LRP1B: variants seen among roughly 807,000 people sequenced by gnomAD.
LRP1B encodes the protein LDL receptor related protein 1B, also known as low-density lipoprotein receptor-related protein 1B.
Under a neutral mutation model 556.6 loss-of-function variants are expected in LRP1B, and 217 were observed. The observed-to-expected ratio is 0.39, with a 90% CI of 0.35 to 0.44. The LOEUF is 0.44. Among genes scored for constraint, LRP1B ranks in the 20% least tolerant of loss-of-function variants. The pLI, the probability that LRP1B is intolerant of heterozygous loss-of-function variation, is 1.00. For synonymous variants in LRP1B, 2,047 were observed against 1,865.8 expected (o/e 1.10, Z -2.50); for missense variants, 5,053 against 5,620.8 (o/e 0.90, Z 3.23).
At chr2:140,952,814 T>C (rs1695758371) in intron 18 of LRP1B, among the ~76,000 whole-genome samples, 1 of 152,182 alleles carries the variant, frequency 6.6e-6, no homozygotes, top group Non-Finnish European at 1.5e-5. Context: ...CCAAGGAATT[T>C]AGAATTGCTT....
chr2:141,608,576 A>C (rs1294467568), intron 2 of LRP1B, among the ~76,000 whole-genome samples: 2 of 152,206 alleles, frequency 1.3e-5, no homozygotes, highest in Non-Finnish European at 2.9e-5. Flanking sequence ...CACAAAGGCC[A>C]AATGTGGGCA....
chr2:141,107,871 TTC>T (rs1700646242), intron 7 of LRP1B, among the ~76,000 whole-genome samples: 1 of 152,156 alleles, frequency 6.6e-6, no homozygotes, highest in Admixed American at 6.6e-5. Context: ...ACACTATTAT[TTC>T]TCAACGTGTA....
At chr2:142,124,890 CT>C (rs34470563) in intron 1 of LRP1B, among the ~76,000 whole-genome samples, 24,302 of 146,550 alleles carry the variant, frequency 0.17, 2,211 homozygotes, top group African/African-American at 0.25. Flanking sequence ...ACCAGTCTTA[CT>C]TTTTTTTTTT....
intron 25 of LRP1B, among the ~76,000 whole-genome samples, chr2:140,869,765 G>T (rs1693067486): frequency 6.6e-6 from 1 of 151,988 alleles, no homozygotes; most frequent in South Asian, 2.1e-4. Context: ...TCAGATTGAG[G>T]GAAGGATATT....
At chr2:140,578,171 A>T (rs950905402) in intron 43 of LRP1B, among the ~76,000 whole-genome samples, 1 of 152,210 alleles carries the variant, frequency 6.6e-6, no homozygotes, top group Non-Finnish European at 1.5e-5. Context: ...AATTTTATAG[A>T]GAAAAGCACC....
rs560541961 is a variant in LRP1B, at chr2:140,620,309, G to T, written c.6800-18670C>A. 2.0e-5 allele frequency among the ~76,000 whole-genome samples: 3 copies of T among 152,310 alleles called. No individual in the cohort carries two copies. The South Asian group carries it at 6.2e-4, about 32-fold the overall frequency. On this transcript the variant is annotated intron_variant, in intron 41 of 90. Coordinates refer to ENST00000389484, the MANE Select transcript of LRP1B (RefSeq NM_018557.3). ...ATGAACATGGAATGGAGGCTGTAAAGTTCAATGAGATTAAGTTGAAATTTG... is the reference window on the plus strand; with the variant it reads ...ATGAACATGGAATGGAGGCTGTAAATTTCAATGAGATTAAGTTGAAATTTG...
At chr2:141,329,643 C>CAAAA (rs71391650) in intron 3 of LRP1B, among the ~76,000 whole-genome samples, 3 of 28,956 alleles carry the variant, frequency 1.0e-4, no homozygotes, top group Non-Finnish European at 2.0e-4. Flanking sequence ...GACTCTGTCT[C>CAAAA]AAAAAAAAAA....
intron 77 of LRP1B, among the ~76,000 whole-genome samples, chr2:140,348,243 T>C (rs1239085405): frequency 2.0e-5 from 3 of 152,064 alleles, no homozygotes; most frequent in African/African-American, 7.2e-5. Context: ...GTGGTAATAA[T>C]AGATTTAGTC....
intron 3 of LRP1B, among the ~76,000 whole-genome samples, chr2:141,310,686 T>C (rs1451449461): frequency 1.3e-5 from 2 of 152,152 alleles, no homozygotes; most frequent in East Asian, 3.9e-4. Context: ...AATAGGCTTT[T>C]AAATTTCATG....
At chr2:140,863,282 T>G (rs1163128125) in intron 27 of LRP1B, among the ~76,000 whole-genome samples, 1 of 152,194 alleles carries the variant, frequency 6.6e-6, no homozygotes, top group Non-Finnish European at 1.5e-5. Flanking sequence ...AAATCTGTTC[T>G]TTTTACTCCT....
At chr2:141,864,575 A>C (rs1191214219) in intron 1 of LRP1B, among the ~76,000 whole-genome samples, 1 of 151,964 alleles carries the variant, frequency 6.6e-6, no homozygotes, top group Non-Finnish European at 1.5e-5. Context: ...AAAAAAAAAA[A>C]AAAACTTATG....
intron 2 of LRP1B, among the ~76,000 whole-genome samples, chr2:141,685,919 T>C (rs1691279183): frequency 6.6e-6 from 1 of 152,078 alleles, no homozygotes; most frequent in Non-Finnish European, 1.5e-5. Flanking sequence ...AAGTTTCCAG[T>C]TGGAACAGCA....
At chr2:141,115,535 C>A (rs187597604) in intron 7 of LRP1B, among the ~76,000 whole-genome samples, 1 of 139,398 alleles carries the variant, frequency 7.2e-6, no homozygotes, top group East Asian at 2.1e-4. Flanking sequence ...TGGCTCATTG[C>A]AAGCTCCGCC....
At chr2:140,303,828 G>A (rs1683948282) in intron 83 of LRP1B, among the ~76,000 whole-genome samples, 2 of 150,952 alleles carry the variant, frequency 1.3e-5, no homozygotes. Context: ...CCCAATGACA[G>A]GCCCCAGTGT....
At chr2:141,253,780 A>T (rs919156948) in intron 4 of LRP1B, among the ~76,000 whole-genome samples, 1 of 152,054 alleles carries the variant, frequency 6.6e-6, no homozygotes, top group African/African-American at 2.4e-5. Flanking sequence ...ACACACACAC[A>T]CACTCACACA....
At chr2:140,561,867 T>C (rs991169410) in intron 43 of LRP1B, among the ~76,000 whole-genome samples, 2 of 152,048 alleles carry the variant, frequency 1.3e-5, no homozygotes, top group Non-Finnish European at 2.9e-5. Flanking sequence ...AATTCAAATT[T>C]AACACTATAT....
intron 1 of LRP1B, among the ~76,000 whole-genome samples, chr2:141,941,035 A>G (rs1049558240): frequency 3.9e-5 from 6 of 152,214 alleles, no homozygotes; most frequent in Non-Finnish European, 7.3e-5. Flanking sequence ...CAGTTTTTAC[A>G]TGACTGATTT....
At chr2:141,504,675 A>T (rs1683856154) in intron 2 of LRP1B, among the ~76,000 whole-genome samples, 1 of 152,116 alleles carries the variant, frequency 6.6e-6, no homozygotes, top group African/African-American at 2.4e-5. Context: ...CAAAGGATCA[A>T]GAACACTCTG....
intron 66 of LRP1B, among the ~76,000 whole-genome samples, chr2:140,398,796 C>G (rs1684366799): frequency 6.6e-6 from 1 of 152,000 alleles, no homozygotes; most frequent in Non-Finnish European, 1.5e-5. Flanking sequence ...AAAAATTTTC[C>G]CATATTATTA....
Sources: allele counts gnomAD v4.1 joint callset (sites outside exome capture counted in the v4.1 genomes callset), GRCh38; gene constraint gnomAD v4.1.1; transcripts MANE v1.5; gene names NCBI Gene and HGNC (gene_info 2026-07-23, HGNC 2026-07-21).